The following PIWIL4 variants were observed in gnomAD, a reference collection of about 807,000 sequenced individuals.
PIWIL4 encodes the protein piwi-like protein 4.
PIWIL4 carries 50 observed loss-of-function variants against 100.9 expected under a neutral mutation model. The ratio of observed to expected loss-of-function variants is 0.50; its 90% confidence interval spans 0.39 to 0.63. The LOEUF (loss-of-function observed/expected upper bound fraction) is 0.63. Among genes scored for constraint, PIWIL4 ranks in the 20% least tolerant of loss-of-function variants. The pLI, the probability that PIWIL4 is intolerant of heterozygous loss-of-function variation, is 0.00. For synonymous variants in PIWIL4, 342 were observed against 367.5 expected, an observed-to-expected ratio of 0.93 and a Z score of 0.79; for missense variants, 887 against 1,043.3, an observed-to-expected ratio of 0.85 and a Z score of 2.06.
intron 8 of PIWIL4, among the ~76,000 whole-genome samples, chr11:94,591,644 G>A (rs189769679): frequency 2.0e-5 from 3 of 152,218 alleles, no homozygotes; most frequent in East Asian, 3.9e-4. Flanking sequence ...ATTCTGAAAC[G>A]GGAATCATGG....
intron 4 of PIWIL4, 94 bp downstream of exon 4, chr11:94,577,586 C>T (rs941951856): frequency 4.1e-6 from 4 of 972,908 alleles, no homozygotes; most frequent in Admixed American, 3.0e-5. Flanking sequence ...CAAGGAGATT[C>T]CAAAAGGTTT....
chr11:94,573,927 T>G (rs1173921457), intron 2 of PIWIL4, among the ~76,000 whole-genome samples: 2 of 152,110 alleles, frequency 1.3e-5, no homozygotes, highest in Admixed American at 6.6e-5. Flanking sequence ...CCCCCCTCCC[T>G]CCAGCTCCTG....
intron 4 of PIWIL4, among the ~76,000 whole-genome samples, chr11:94,579,149 C>T (rs1048234256): frequency 6.6e-6 from 1 of 152,200 alleles, no homozygotes; most frequent in Admixed American, 6.5e-5. Context: ...CTCCTGCACC[C>T]TTGTGCCTGT....
At chr11:94,590,485 T>C (rs867988704) in intron 8 of PIWIL4, among the ~76,000 whole-genome samples, 1 of 152,242 alleles carries the variant, frequency 6.6e-6, no homozygotes, top group African/African-American at 2.4e-5. Flanking sequence ...TTCATTGTAT[T>C]TTGAGATGGC....
chr11:94,619,048 G>A (rs976750531), intron 17 of PIWIL4, among the ~76,000 whole-genome samples: 3 of 152,170 alleles, frequency 2.0e-5, no homozygotes, highest in African/African-American at 7.2e-5. Context: ...CAGTGCTAAG[G>A]AGTTACTTTT....
intron 2 of PIWIL4, among the ~76,000 whole-genome samples, chr11:94,571,980 C>T (rs1225773889): frequency 3.3e-5 from 5 of 152,202 alleles, no homozygotes; most frequent in Non-Finnish European, 5.9e-5. Context: ...GATCGCCATT[C>T]TAACTGGTGT....
intron 10 of PIWIL4, among the ~76,000 whole-genome samples, chr11:94,596,393 A>G (rs1213778437): frequency 1.3e-5 from 2 of 152,162 alleles, no homozygotes; most frequent in Admixed American, 6.5e-5. Flanking sequence ...GTGAATCACA[A>G]TTGAATTAAT....
chr11:94,569,253 T>C (rs780659599), intron 2 of PIWIL4, among the ~76,000 whole-genome samples: 1 of 152,066 alleles, frequency 6.6e-6, no homozygotes, highest in Non-Finnish European at 1.5e-5. Context: ...CATCGATGGA[T>C]AATTAGATAA....
At chr11:94,619,579 C>T (rs1164896287) in intron 17 of PIWIL4, among the ~76,000 whole-genome samples, 181 bp from the exon 18 acceptor site, 1 of 152,058 alleles carries the variant, frequency 6.6e-6, no homozygotes, top group African/African-American at 2.4e-5. Context: ...ACGGACAATC[C>T]CTAATTTAAA....
At chr11:94,606,096 T>C (rs1948712036) in intron 13 of PIWIL4, among the ~76,000 whole-genome samples, 1 of 152,200 alleles carries the variant, frequency 6.6e-6, no homozygotes, top group South Asian at 2.1e-4. Flanking sequence ...ATCCCCAGGC[T>C]TTCTCAATGG....
chr11:94,589,332 T>C (rs1948448789), intron 8 of PIWIL4, 100 bp downstream of exon 8: 1 of 955,730 alleles, frequency 1.0e-6, no homozygotes, highest in African/African-American at 1.6e-5. Context: ...AGGCTGAGTC[T>C]GCCTCCGACC....
chr11:94,607,700 TAGG>T (rs1343906004), intron 14 of PIWIL4, 61 bp downstream of exon 14: 5 of 1,467,800 alleles, frequency 3.4e-6, no homozygotes, highest in Non-Finnish European at 4.6e-6. Context: ...AAGATTAAAG[TAGG>T]AGATGTTATC....
chr11:94,602,034 G>A, intron 12 of PIWIL4, 55 bp downstream of exon 12: 2 of 1,493,126 alleles, frequency 1.3e-6, no homozygotes, highest in Non-Finnish European at 9.0e-7. Flanking sequence ...TAGAAGGTAG[G>A]GAATAATGGC....
rs1371258764 is a variant in PIWIL4, at chr11:94,585,398, T to A, written c.636-47T>A. ...TAAGGGTTTGAACTTAGAATTACAC[T>A]GTTACTGACTGATATTTACCAAAAA... On this transcript the variant is annotated intron_variant, in intron 5 of 19. Coordinates refer to ENST00000299001, the MANE Select transcript of PIWIL4 (RefSeq NM_152431.3). 2.3e-6 allele frequency: 3 copies of A among 1,328,016 alleles called. No homozygotes were observed. The Admixed American group carries it at 5.8e-5, about 26-fold the overall frequency. The allele number at this position is 1,328,016 out of a possible 1,614,324, so 82.3% of individuals were successfully genotyped here. A position where few individuals can be genotyped will look rare whatever the true frequency, so the allele number is the denominator to read the frequency against.
At chr11:94,617,050 C>G (rs1247244360) in intron 16 of PIWIL4, among the ~76,000 whole-genome samples, 2 of 152,340 alleles carry the variant, frequency 1.3e-5, no homozygotes, top group East Asian at 1.9e-4. Flanking sequence ...TTCTTCACCA[C>G]TCCTGGCCTA....
At chr11:94,580,567 G>A (rs1948297452) in intron 4 of PIWIL4, among the ~76,000 whole-genome samples, 2 of 152,220 alleles carry the variant, frequency 1.3e-5, no homozygotes, top group Non-Finnish European at 2.9e-5. Flanking sequence ...CTGGCAGGGT[G>A]TTGCGACCAT....
intron 7 of PIWIL4, among the ~76,000 whole-genome samples, chr11:94,588,638 T>A (rs560953397): frequency 9.2e-5 from 14 of 152,314 alleles, no homozygotes; most frequent in African/African-American, 3.1e-4. Context: ...CTAACCTGTT[T>A]TGTAGTTTTG....
At chr11:94,583,708 C>T in intron 5 of PIWIL4, 139 bp downstream of exon 5, 1 of 1,146,736 alleles carries the variant, frequency 8.7e-7, no homozygotes, top group South Asian at 1.4e-5. Flanking sequence ...CAAGCACCTT[C>T]TCCTACATGA....
rs535260362 is a variant in PIWIL4, at chr11:94,571,073, G to T, written c.166+2265G>T. Reference sequence around the variant, plus strand: ...CACCCATCTCATGTCTGACTCTGCTGTTCCTCACTGGGAGTTTTCCAGTCC... The same window carrying T: ...CACCCATCTCATGTCTGACTCTGCTTTTCCTCACTGGGAGTTTTCCAGTCC... On this transcript the variant is annotated intron_variant, in intron 2 of 19. Transcript: ENST00000299001. Among the ~76,000 whole-genome samples, 113 of 152,218 alleles carry T rather than the reference G, an allele frequency of 7.4e-4. 1 individual carries two copies. Among genetic ancestry groups the T allele is most frequent in the African/African-American group, 2.7e-3 (113 of 41,534 alleles).
Sources: gnomAD v4.1 joint callset for allele counts (sites outside exome capture counted in the v4.1 genomes callset) on GRCh38, gnomAD v4.1.1 for gene constraint, MANE v1.5 for transcripts, NCBI Gene and HGNC (gene_info 2026-07-23, HGNC 2026-07-21) for gene names.